MYO1B: variants seen among roughly 807,000 people sequenced by gnomAD.
MYO1B encodes unconventional myosin-Ib.
In MYO1B, 72 loss-of-function variants were observed where a neutral mutation model predicts 159.7. The ratio of observed to expected loss-of-function variants is 0.45; its 90% CI spans 0.37 to 0.55. The LOEUF (loss-of-function observed/expected upper bound fraction) is 0.55. MYO1B is among the 20% of genes least tolerant of loss of function. The pLI, the probability that MYO1B is intolerant of heterozygous loss-of-function variation, is 0.00. For missense variants in MYO1B, 1,062 were observed against 1,364.8 expected, an observed-to-expected ratio of 0.78 and a Z score of 3.50; for synonymous variants, 468 against 473.8, an observed-to-expected ratio of 0.99 and a Z score of 0.16.
chr2:191,266,936 C>T (rs946137131), intron 1 of MYO1B, among the ~76,000 whole-genome samples: 3 of 152,176 alleles, frequency 2.0e-5, no homozygotes, highest in Non-Finnish European at 4.4e-5. Context: ...TTGTAAGGTT[C>T]TAGATGCTGT....
intron 7 of MYO1B, among the ~76,000 whole-genome samples, chr2:191,353,283 T>C (rs1693038876): frequency 6.6e-6 from 1 of 152,252 alleles, no homozygotes; most frequent in Non-Finnish European, 1.5e-5. Flanking sequence ...ATAACATTTA[T>C]GTTTTTGTAT....
intron 2 of MYO1B, among the ~76,000 whole-genome samples, chr2:191,294,714 C>G (rs999495797): frequency 1.3e-5 from 2 of 152,138 alleles, no homozygotes; most frequent in African/African-American, 4.8e-5. Context: ...TTTTCTTTTA[C>G]AACAGCAATC....
At chr2:191,307,764 T>C (rs1689741160) in intron 3 of MYO1B, among the ~76,000 whole-genome samples, 1 of 152,180 alleles carries the variant, frequency 6.6e-6, no homozygotes, top group South Asian at 2.1e-4. Flanking sequence ...ATCCTCAGGT[T>C]CAATAATTTG....
At chr2:191,407,030 G>T (rs1426294415) in intron 24 of MYO1B, among the ~76,000 whole-genome samples, 1 of 152,188 alleles carries the variant, frequency 6.6e-6, no homozygotes, top group Admixed American at 6.5e-5. Context: ...TTTGGAGCGT[G>T]CATGCCTCAT....
At chr2:191,272,223 T>C (rs1210276825) in intron 1 of MYO1B, among the ~76,000 whole-genome samples, 2 of 152,238 alleles carry the variant, frequency 1.3e-5, no homozygotes, top group Admixed American at 1.3e-4. Context: ...TGAAAAGAAC[T>C]GGCACAGCCT....
Position 191,393,054 on chromosome 2 carries a change from A to G in MYO1B, c.2077-19A>G. ...GTTTCAGAGGATTTTTGATAAGTCC[A>G]TCTATCATTTCTTATTAGTTATTCA... On this transcript the variant is annotated intron_variant, in intron 19 of 30. Transcript: ENST00000392318. 1 of 1,609,348 alleles carries G rather than the reference A, an allele frequency of 6.2e-7. No homozygotes were observed. Among genetic ancestry groups the G allele is most frequent in the Non-Finnish European group, 8.5e-7 (1 of 1,177,044 alleles).
chr2:191,389,661 G>A (rs1432691280), intron 17 of MYO1B, among the ~76,000 whole-genome samples: 1 of 152,246 alleles, frequency 6.6e-6, no homozygotes, highest in African/African-American at 2.4e-5. Context: ...AGGAGGTTGG[G>A]AAATAAAGTT....
intron 1 of MYO1B, among the ~76,000 whole-genome samples, chr2:191,269,871 T>G (rs1482114475): frequency 6.6e-6 from 1 of 152,042 alleles, no homozygotes; most frequent in Non-Finnish European, 1.5e-5. Flanking sequence ...ATGGATCAAT[T>G]GTTATTTTGT....
rs766327261 is a variant in MYO1B at position 191,383,354 on chromosome 2, G to A, written c.1353+12G>A. On this transcript the variant is annotated intron_variant, in intron 15 of 30. Coordinates refer to ENST00000392318, the MANE Select transcript of MYO1B (RefSeq NM_001130158.3). Reference sequence around the variant, plus strand: ...ACCTAATAGAAAATGTGAGTACTTAGGTACAGTTTTCTAAAGAATGTTTTA... The same window carrying A: ...ACCTAATAGAAAATGTGAGTACTTAAGTACAGTTTTCTAAAGAATGTTTTA... 1 of 1,537,550 alleles carries A rather than the reference G, an allele frequency of 6.5e-7. No individual in the cohort carries two copies. The highest frequency in any genetic ancestry group is 8.8e-7 in the Non-Finnish European group (1 of 1,139,954).
In MYO1B at chr2:191,385,741, T is replaced by C. The variant is rs1026168429; in HGVS notation, c.1354-143T>C. 9.5e-6 allele frequency: 8 copies of C among 844,044 alleles called. No homozygotes were observed. In the African/African-American group the frequency reaches 1.0e-4, roughly 11 times the overall value. The allele number at this position is 844,044 out of a possible 1,614,324, so 52.3% of individuals were successfully genotyped here. A position where few individuals can be genotyped will look rare whatever the true frequency, so the allele number is the denominator to read the frequency against. Reference sequence around the variant, plus strand: ...GAGCTGATTCCTGTGGCTTTTGTTATTGTTTTGAGTCTCTGCTTTTTGTTA... The same window carrying C: ...GAGCTGATTCCTGTGGCTTTTGTTACTGTTTTGAGTCTCTGCTTTTTGTTA... On this transcript the variant is annotated intron_variant, in intron 15 of 30. Transcript: ENST00000392318.
In MYO1B at chr2:191,393,222, G is replaced by A. The variant is rs758443129; in HGVS notation, c.2226G>A (p.Ala742=). 13 of 1,613,004 alleles carry A rather than the reference G, an allele frequency of 8.1e-6. No homozygotes were observed. Among genetic ancestry groups the A allele is most frequent in the East Asian group, 4.5e-5 (2 of 44,884 alleles). Residue 742 remains alanine, a splice_region_variant and synonymous_variant, in exon 20 of 31, where the codon GCG becomes GCA. Transcript: ENST00000392318. The part of the protein sequence containing the change: ...IVIAAWYRRY[A]QQKRYQQTKS... Reference sequence around the variant, plus strand: ...TTGCCGCCTGGTACAGGAGATATGCGGTAAGAGTCTCAGTCATTTTAAATC... The same window carrying A: ...TTGCCGCCTGGTACAGGAGATATGCAGTAAGAGTCTCAGTCATTTTAAATC...
chr2:191,341,669 G>A, intron 5 of MYO1B, 104 bp downstream of exon 5: 1 of 827,848 alleles, frequency 1.2e-6, no homozygotes, highest in Non-Finnish European at 2.0e-6. Context: ...TGGGAGGGAA[G>A]AGGAAGGAAG....
At chr2:191,355,633 T>C (rs577861762) in intron 7 of MYO1B, among the ~76,000 whole-genome samples, 2 of 152,336 alleles carry the variant, frequency 1.3e-5, no homozygotes, top group African/African-American at 4.8e-5. Context: ...CCCATCTGTC[T>C]TACAGCACTG....
chr2:191,424,009 A>G lies in MYO1B; in HGVS notation c.*49A>G. The G allele has an allele frequency of 6.4e-7, 1 of 1,564,868 alleles. No individual in the cohort carries two copies. Among genetic ancestry groups the G allele is most frequent in the Non-Finnish European group, 8.6e-7 (1 of 1,156,090 alleles). On this transcript the variant is annotated 3_prime_UTR_variant, in exon 31 of 31. Coordinates refer to ENST00000392318, the MANE Select transcript of MYO1B (RefSeq NM_001130158.3). ...TGGACTTGTTCCTTTGTAATAGTGC[A>G]ATTTGGTTTTGTTTTATTTGGGGTT...
At chr2:191,259,764 A>G (rs559879672) in intron 1 of MYO1B, among the ~76,000 whole-genome samples, 3 of 152,294 alleles carry the variant, frequency 2.0e-5, no homozygotes, top group South Asian at 2.1e-4. Context: ...TGGGGCAGAA[A>G]GAGTTGGAGT....
intron 3 of MYO1B, among the ~76,000 whole-genome samples, chr2:191,297,118 C>T (rs4853577): frequency 0.53 from 80,563 of 152,014 alleles, 22,091 homozygotes; most frequent in East Asian, 0.66. Context: ...ATATGTTCAC[C>T]ATTTACATTC....
At chr2:191,324,571 A>G (rs1574428805) in intron 3 of MYO1B, among the ~76,000 whole-genome samples, 2 of 152,168 alleles carry the variant, frequency 1.3e-5, no homozygotes, top group East Asian at 3.9e-4. Context: ...TTGTTTTCAC[A>G]TTGTTTTCTT....
At chr2:191,417,380 G>T (rs1462452343) in intron 30 of MYO1B, among the ~76,000 whole-genome samples, 1 of 152,140 alleles carries the variant, frequency 6.6e-6, no homozygotes, top group South Asian at 2.1e-4. Context: ...AAAAATAATG[G>T]TTGGTGTGTT....
At chr2:191,291,987 T>C (rs1172231983) in intron 2 of MYO1B, among the ~76,000 whole-genome samples, 1 of 152,204 alleles carries the variant, frequency 6.6e-6, no homozygotes, top group Admixed American at 6.5e-5. Flanking sequence ...ATTTGAGTTA[T>C]TCTACTGGCC....
Sources: gnomAD v4.1 joint callset for allele counts (sites outside exome capture counted in the v4.1 genomes callset) on GRCh38, gnomAD v4.1.1 for gene constraint, MANE v1.5 for transcripts, NCBI Gene and HGNC (gene_info 2026-07-23, HGNC 2026-07-21) for gene names.